The following STEAP4 variants were observed in gnomAD, a reference collection of about 807,000 sequenced individuals.
The protein encoded by STEAP4 is STEAP4 metalloreductase, also known as metalloreductase STEAP4.
STEAP4 carries 36 observed loss-of-function variants against 43.6 expected under a neutral mutation model. That is an observed-to-expected ratio of 0.83 (90% CI 0.63 to 1.09). The LOEUF is 1.09. STEAP4 is among the 50% of genes least tolerant of loss of function. The probability of loss-of-function intolerance (pLI) is 0.00; values close to 1 mark genes in which losing one functional copy is unlikely to be tolerated. For missense variants in STEAP4, 495 were observed against 546.5 expected, an observed-to-expected ratio of 0.91 and a Z score of 0.94; for synonymous variants, 191 against 196.7, an observed-to-expected ratio of 0.97 and a Z score of 0.24.
At chr7:88,297,858 G>A (rs79932188) in intron 1 of STEAP4, among the ~76,000 whole-genome samples, 1,600 of 152,212 alleles carry the variant, frequency 0.011, 28 homozygotes, top group African/African-American at 0.037. Context: ...CAGAAATGCA[G>A]TTTATACACC....
chr7:88,280,799 A>T, intron 4 of STEAP4, 116 bp downstream of exon 4: 1 of 1,075,252 alleles, frequency 9.3e-7, no homozygotes, highest in Non-Finnish European at 1.3e-6. Flanking sequence ...TCAAATCATT[A>T]TGGATTCTGC....
chr7:88,293,484 T>A (rs1193413183), intron 1 of STEAP4, among the ~76,000 whole-genome samples: 1 of 152,166 alleles, frequency 6.6e-6, no homozygotes, highest in East Asian at 1.9e-4. Flanking sequence ...TTTATTTAAT[T>A]TTTTTTCTTT....
At chr7:88,302,224 A>G (rs1853047786) in intron 1 of STEAP4, among the ~76,000 whole-genome samples, 1 of 152,332 alleles carries the variant, frequency 6.6e-6, no homozygotes, top group Non-Finnish European at 1.5e-5. Context: ...TGTTATTAGC[A>G]ATGCCTTGCT....
intron 1 of STEAP4, among the ~76,000 whole-genome samples, chr7:88,295,080 GACA>G (rs1363473061): frequency 6.6e-6 from 1 of 152,032 alleles, no homozygotes; most frequent in Non-Finnish European, 1.5e-5. Flanking sequence ...CAAGTGTAAA[GACA>G]ACAGTCTTTC....
At chr7:88,293,209 T>G (rs1218045555) in intron 1 of STEAP4, among the ~76,000 whole-genome samples, 1 of 152,220 alleles carries the variant, frequency 6.6e-6, no homozygotes, top group Non-Finnish European at 1.5e-5. Context: ...AATGGTTAAT[T>G]ATGTTGCATA....
intron 3 of STEAP4, 42 bp from the exon 4 acceptor site, chr7:88,281,121 A>G (rs775639160): frequency 3.4e-6 from 5 of 1,465,794 alleles, no homozygotes; most frequent in Non-Finnish European, 4.5e-6. Context: ...CATTTTTACA[A>G]ACTACATTTT....
intron 1 of STEAP4, among the ~76,000 whole-genome samples, chr7:88,298,561 C>G (rs900548459): frequency 6.7e-6 from 1 of 150,184 alleles, no homozygotes; most frequent in African/African-American, 2.5e-5. Flanking sequence ...AAAAGCTTAT[C>G]CAAACTAATT....
At chr7:88,295,268 C>T (rs537366074) in intron 1 of STEAP4, among the ~76,000 whole-genome samples, 44 of 152,266 alleles carry the variant, frequency 2.9e-4, no homozygotes, top group Non-Finnish European at 4.7e-4. Flanking sequence ...AGCACCCTTT[C>T]CTGTCTTTAA....
intron 3 of STEAP4, 149 bp downstream of exon 3, chr7:88,282,492 T>G (rs1440375023): frequency 1.2e-6 from 1 of 860,872 alleles, no homozygotes; most frequent in Admixed American, 3.0e-5. Context: ...TGGATTCATT[T>G]TAAAAAACTG....
intron 1 of STEAP4, among the ~76,000 whole-genome samples, chr7:88,289,324 A>T (rs1250600169): frequency 5.9e-5 from 9 of 152,170 alleles, no homozygotes; most frequent in Non-Finnish European, 1.0e-4. Context: ...GAAGGAAAGA[A>T]GTGGAAGAGA....
intron 1 of STEAP4, among the ~76,000 whole-genome samples, chr7:88,294,965 T>C (rs1375313627): frequency 6.6e-6 from 1 of 152,126 alleles, no homozygotes; most frequent in Non-Finnish European, 1.5e-5. Flanking sequence ...TGCACACCAT[T>C]AGGAGTCTAA....
intron 3 of STEAP4, chr7:88,281,555 A>C (rs1852620874): frequency 6.6e-6 from 1 of 152,324 alleles, no homozygotes; most frequent in South Asian, 2.1e-4. Flanking sequence ...GGAATCAGAC[A>C]CTTGTAGTGT....
At chr7:88,294,927 C>A (rs950379095) in intron 1 of STEAP4, among the ~76,000 whole-genome samples, 3 of 152,058 alleles carry the variant, frequency 2.0e-5, no homozygotes, top group Admixed American at 6.6e-5. Flanking sequence ...AGATAGATTT[C>A]TTTATGCAAA....
rs1469214076 is a variant in STEAP4, at chr7:88,274,669, G to C, written c.*4729C>G. On this transcript the variant is annotated 3_prime_UTR_variant, in exon 5 of 5. Coordinates refer to ENST00000380079, the MANE Select transcript of STEAP4 (RefSeq NM_024636.4). Reference sequence around the variant, plus strand: ...ATTTCATAGGCAGAGCAGTGGCATGGGCTGCCTGGCTGAGTATAGTTATAG... The same window carrying C: ...ATTTCATAGGCAGAGCAGTGGCATGCGCTGCCTGGCTGAGTATAGTTATAG... 6.6e-6 allele frequency: 1 copy of C among 152,146 alleles called. No individual in the cohort carries two copies. Among genetic ancestry groups the C allele is most frequent in the Non-Finnish European group, 1.5e-5 (1 of 68,030 alleles). 9.4% of individuals were successfully genotyped at this position (152,146 alleles called of 1,614,324 possible).
At chr7:88,297,178 G>A (rs963466813) in intron 1 of STEAP4, among the ~76,000 whole-genome samples, 5 of 152,090 alleles carry the variant, frequency 3.3e-5, no homozygotes, top group African/African-American at 7.2e-5. Context: ...TAGGTTGAGG[G>A]TAAAGAGGTG....
intron 1 of STEAP4, among the ~76,000 whole-genome samples, chr7:88,286,536 T>C (rs534850274): frequency 1.3e-5 from 2 of 152,176 alleles, no homozygotes; most frequent in African/African-American, 4.8e-5. Flanking sequence ...TCACCATAAG[T>C]CATTCATTTA....
At chr7:88,286,264 C>T (rs767156668) in intron 1 of STEAP4, among the ~76,000 whole-genome samples, 15 of 152,144 alleles carry the variant, frequency 9.9e-5, no homozygotes, top group Non-Finnish European at 4.4e-5. Context: ...TATACTGAGG[C>T]ATATTAGAAT....
Position 88,302,999 on chromosome 7 carries a change from T to TAGCTTGTATTCTACTAATAATCTTCCAAG in STEAP4, c.-3+3764_-3+3792dup, listed in dbSNP as rs556509734. 9.0e-3 allele frequency among the ~76,000 whole-genome samples: 1,321 copies of TAGCTTGTATTCTACTAATAATCTTCCAAG among 147,474 alleles called. 21 individuals carry two copies. The highest frequency in any genetic ancestry group is 0.032 in the African/African-American group (1,280 of 39,860). ...AATTGGGTGCTGAGGCCAAACTGAC[T>TAGCTTGTATTCTACTAATAATCTTCCAAG]AGCTTGTATTCTACTAATAATCTTC... On this transcript the variant is annotated intron_variant, in intron 1 of 4. Transcript: ENST00000380079.
At chr7:88,283,358 T>C in intron 2 of STEAP4, 190 bp from the exon 3 acceptor site, 1 of 603,096 alleles carries the variant, frequency 1.7e-6, no homozygotes, top group Non-Finnish European at 2.7e-6. Context: ...GATAGGTAAG[T>C]ACCAGGGTTT....
Sources: gnomAD v4.1 joint callset for allele counts (sites outside exome capture counted in the v4.1 genomes callset) on GRCh38, gnomAD v4.1.1 for gene constraint, MANE v1.5 for transcripts, NCBI Gene and HGNC (gene_info 2026-07-23, HGNC 2026-07-21) for gene names.